Variants in CACNA1C observed in about 807,000 individuals in gnomAD.
The protein encoded by CACNA1C is calcium voltage-gated channel subunit alpha1 C.
Under a neutral mutation model 229.0 loss-of-function variants are expected in CACNA1C, and 30 were observed. The ratio of observed to expected loss-of-function variants is 0.13; its 90% CI spans 0.10 to 0.18. CACNA1C has a LOEUF of 0.18. CACNA1C is among the 10% of genes least tolerant of loss of function. The pLI, the probability that CACNA1C is intolerant of heterozygous loss-of-function variation, is 1.00. For missense variants in CACNA1C, 1,658 were observed against 2,845.0 expected, an observed-to-expected ratio of 0.58 and a Z score of 9.49; for synonymous variants, 1,114 against 1,132.5, an observed-to-expected ratio of 0.98 and a Z score of 0.33.
intron 9 of CACNA1C, among the ~76,000 whole-genome samples, chr12:2,530,301 G>A (rs923478992): frequency 6.6e-6 from 1 of 152,224 alleles, no homozygotes; most frequent in Non-Finnish European, 1.5e-5. Context: ...GCGATGGAAG[G>A]GGATGACATT....
chr12:2,680,485 C>T, intron 42 of CACNA1C: 3 of 1,569,108 alleles, frequency 1.9e-6, no homozygotes, highest in Admixed American at 1.9e-5. Flanking sequence ...GAGGACACAC[C>T]CTGCATCGTG....
intron 3 of CACNA1C, among the ~76,000 whole-genome samples, chr12:2,271,892 T>TA (rs71441680): frequency 4.0e-5 from 6 of 151,472 alleles, no homozygotes; most frequent in South Asian, 2.1e-4. Flanking sequence ...TGAGACTGTC[T>TA]AAAAAAAAAT....
At chr12:2,637,588 T>C (rs112186064) in intron 30 of CACNA1C, among the ~76,000 whole-genome samples, 38 of 152,354 alleles carry the variant, frequency 2.5e-4, no homozygotes, top group African/African-American at 8.2e-4. Context: ...TCGCAGCCAG[T>C]GTGAGGGACA....
intron 8 of CACNA1C, among the ~76,000 whole-genome samples, chr12:2,509,473 C>T (rs1375460002): frequency 6.6e-6 from 1 of 152,168 alleles, no homozygotes; most frequent in Non-Finnish European, 1.5e-5. Context: ...ATTTTGTCAA[C>T]CAATCAATAC....
intron 3 of CACNA1C, among the ~76,000 whole-genome samples, chr12:2,447,308 T>C (rs556912330): frequency 1.3e-5 from 2 of 152,224 alleles, no homozygotes; most frequent in South Asian, 4.2e-4. Flanking sequence ...TAAACCAATT[T>C]TATGGCACAA....
intron 3 of CACNA1C, among the ~76,000 whole-genome samples, chr12:2,347,613 A>G (rs2097083937): frequency 6.6e-6 from 1 of 152,218 alleles, no homozygotes. Flanking sequence ...AGAGAATCCT[A>G]GAGGACAGGA....
rs571027139 is a variant in CACNA1C at position 2,346,343 on chromosome 12, C to T, written c.478-102633C>T. On this transcript the variant is annotated intron_variant, in intron 3 of 46. Coordinates refer to ENST00000399655, the MANE Select transcript of CACNA1C (RefSeq NM_000719.7). This position sits in a 1 kb window ranked among gnomAD's most constrained non-coding sequence, Gnocchi z 4.4. ...TGTGTCTTTGTAATGTGTGTGTGTGCCTATGTATGTCTCTGTGTTTGTGTG... is the reference window on the plus strand; with the variant it reads ...TGTGTCTTTGTAATGTGTGTGTGTGTCTATGTATGTCTCTGTGTTTGTGTG... Among the ~76,000 whole-genome samples the T allele has an allele frequency of 2.0e-5, 3 of 151,896 alleles. No homozygotes were observed. The highest frequency in any genetic ancestry group is 4.8e-5 in the African/African-American group (2 of 41,438).
Position 2,088,158 on chromosome 12 carries a change from A to G in CACNA1C, c.50-27066A>G, listed in dbSNP as rs956227183. ...ACAACATCCTATGGGAATTCAAAAT[A>G]CAATTACACTTTTGTTAGGTTTATT... On this transcript the variant is annotated intron_variant, in intron 1 of 46. Transcript: ENST00000399655. 1.7e-4 allele frequency among the ~76,000 whole-genome samples: 26 copies of G among 152,242 alleles called. 1 individual carries two copies. The highest frequency in any genetic ancestry group is 1.0e-3 in the South Asian group (5 of 4,834).
chr12:2,634,759 T>C lies in CACNA1C; in HGVS notation c.3912+379T>C, dbSNP rs181948047. Reference sequence around the variant, plus strand: ...CTGCTGGGGCAGGGACCCAAACCTCTTCTGACCTCCACCTTCTCCTCCAGC... The same window carrying C: ...CTGCTGGGGCAGGGACCCAAACCTCCTCTGACCTCCACCTTCTCCTCCAGC... On this transcript the variant is annotated intron_variant, in intron 30 of 46. Coordinates refer to ENST00000399655, the MANE Select transcript of CACNA1C (RefSeq NM_000719.7). Among the ~76,000 whole-genome samples the C allele has an allele frequency of 4.5e-3, 689 of 152,212 alleles. 5 individuals are homozygous for C. The highest frequency in any genetic ancestry group is 0.016 in the African/African-American group (666 of 41,532).
At chr12:2,690,090 C>T (rs2097737352) in intron 46 of CACNA1C, 1 of 152,198 alleles carries the variant, frequency 6.6e-6, no homozygotes, top group Admixed American at 6.5e-5. Context: ...CTGGCCCTTC[C>T]CAGCAGAAGC....
intron 34 of CACNA1C, among the ~76,000 whole-genome samples, chr12:2,661,270 TACACACACATACACACACAC>T (rs1245381257): frequency 3.0e-5 from 4 of 131,262 alleles, no homozygotes; most frequent in African/African-American, 1.3e-4. Flanking sequence ...TCTAAACACA[TACACACACATACACACACAC>T]ACACACACAC....
intron 3 of CACNA1C, among the ~76,000 whole-genome samples, chr12:2,249,818 T>C (rs2074895977): frequency 6.7e-6 from 1 of 148,958 alleles, no homozygotes; most frequent in African/African-American, 2.5e-5. Context: ...TTGCCCAGGC[T>C]GGAGTGCAGT....
intron 3 of CACNA1C, among the ~76,000 whole-genome samples, chr12:2,286,151 G>A (rs1284268209): frequency 2.0e-5 from 3 of 152,202 alleles, no homozygotes; most frequent in Non-Finnish European, 4.4e-5. Flanking sequence ...ATACCTGGCC[G>A]GTTCTGTTTT....
Position 2,504,371 on chromosome 12 carries a change from C to A in CACNA1C, c.1114-471C>A. 2.2e-6 allele frequency: 2 copies of A among 895,670 alleles called. No individual in the cohort carries two copies. The highest frequency in any genetic ancestry group is 3.8e-6 in the Non-Finnish European group (2 of 529,620). 55.5% of individuals were successfully genotyped at this position (895,670 alleles called of 1,614,324 possible). ...TCCCCTCCCAATCTGCTCACACCTGCTGCCTGCCTCTTTGCTGTAACCCAA... is the reference window on the plus strand; with the variant it reads ...TCCCCTCCCAATCTGCTCACACCTGATGCCTGCCTCTTTGCTGTAACCCAA... On this transcript the variant is annotated intron_variant, in intron 7 of 46. Transcript: ENST00000399655. This position sits in a 1 kb window ranked among gnomAD's most constrained non-coding sequence, Gnocchi z 6.8.
At chr12:2,447,789 A>G (rs1360642448) in intron 3 of CACNA1C, among the ~76,000 whole-genome samples, 3 of 152,152 alleles carry the variant, frequency 2.0e-5, no homozygotes, top group African/African-American at 7.2e-5. Context: ...TGAGCCTGGA[A>G]CACCCCCTCA....
intron 1 of CACNA1C, among the ~76,000 whole-genome samples, chr12:1,980,063 C>T (rs2035652829): frequency 6.6e-6 from 1 of 152,142 alleles, no homozygotes; most frequent in African/African-American, 2.4e-5. Context: ...AGCAGTATCT[C>T]TAAAGCTAAA....
Position 2,354,552 on chromosome 12 carries a change from C to T in CACNA1C, c.478-94424C>T, listed in dbSNP as rs2097299917. On this transcript the variant is annotated intron_variant, in intron 3 of 46. Transcript: ENST00000399655. The surrounding 1 kb of genome is among the most constrained non-coding windows in gnomAD (Gnocchi z 4.6). ...TTTGAGACCCAAGAGAGGGAAAATG[C>T]CTTTCCGCATGCATGCTCTCCTAGC... Among the ~76,000 whole-genome samples, 1 of 152,176 alleles carries T rather than the reference C, an allele frequency of 6.6e-6. No individual in the cohort carries two copies. The highest frequency in any genetic ancestry group is 6.5e-5 in the Admixed American group (1 of 15,288).
rs1231791018 is a variant in CACNA1C, at chr12:2,679,602, C to T, written c.5250C>T (p.Asp1750=). 1.4e-5 allele frequency: 22 copies of T among 1,613,830 alleles called. No individual in the cohort carries two copies. Among genetic ancestry groups the T allele is most frequent in the Non-Finnish European group, 1.9e-5 (22 of 1,179,826 alleles). The change falls in exon 42 of 47, where the codon GAC becomes GAT. Residue 1750 remains aspartate (D), a synonymous_variant. Transcript: ENST00000399655. This position sits in a 1 kb window ranked among gnomAD's most constrained non-coding sequence, Gnocchi z 5.5. The part of the protein sequence containing the change: ...TESPSHEKLV[D]STFTPSSYSS... Reference sequence around the variant, plus strand: ...CGCCATCCCACGAGAAGCTGGTGGACTCCACCTTCACCCCGAGCAGCTACT... The same window carrying T: ...CGCCATCCCACGAGAAGCTGGTGGATTCCACCTTCACCCCGAGCAGCTACT...
In CACNA1C at chr12:2,566,445, G is replaced by A. The variant is rs786205747; in HGVS notation, c.1532G>A (p.Arg511Gln). 3 of 1,596,078 alleles carry A rather than the reference G, an allele frequency of 1.9e-6. No homozygotes were observed. The highest frequency in any genetic ancestry group is 2.6e-6 in the Non-Finnish European group (3 of 1,171,174). The change falls in exon 12 of 47, where the codon CGG becomes CAG. Residue 511 changes from arginine to glutamine, a missense_variant. By Grantham distance (43) the Arg-to-Gln change is conservative. This residue lies in a region of CACNA1C where 149 missense variants were observed against 194.2 expected (regional missense o/e 0.77). Coordinates refer to ENST00000399655, the MANE Select transcript of CACNA1C (RefSeq NM_000719.7). This position sits in a 1 kb window ranked among gnomAD's most constrained non-coding sequence, Gnocchi z 4.0. ...AGCCGCTACTGGCGCCGGTGGAATC[G>A]GTTCTGCAGAAGGAAGTGCCGCGCC... ...KFSRYWRRWNRFCRRKCRAAV... is the reference protein window; with the variant it reads ...KFSRYWRRWNQFCRRKCRAAV...
Sources: gnomAD v4.1 joint callset for allele counts (sites outside exome capture counted in the v4.1 genomes callset) on GRCh38, gnomAD v4.1.1 for gene constraint, gnomAD v4.1.1 regional missense constraint, Gnocchi (gnomAD v3.1) non-coding constraint, MANE v1.5 for transcripts, NCBI Gene and HGNC (gene_info 2026-07-23, HGNC 2026-07-21) for gene names.